ANGPTL5: variants seen among roughly 807,000 people sequenced by gnomAD.
The protein encoded by ANGPTL5 is angiopoietin like 5, also known as angiopoietin-related protein 5.
ANGPTL5 carries 34 observed loss-of-function variants against 39.4 expected under a neutral mutation model. The ratio of observed to expected loss-of-function variants is 0.86; its 90% CI spans 0.66 to 1.15. The LOEUF is 1.15. Among genes scored for constraint, ANGPTL5 ranks in the 50% most tolerant of loss-of-function variants. The pLI is 0.00. For missense variants in ANGPTL5, 467 were observed against 457.5 expected (o/e 1.02, Z -0.19); for synonymous variants, 146 against 152.1 (o/e 0.96, Z 0.29).
intron 1 of ANGPTL5, among the ~76,000 whole-genome samples, chr11:101,910,389 A>G (rs1479953480): frequency 6.8e-6 from 1 of 146,254 alleles, no homozygotes; most frequent in Non-Finnish European, 1.5e-5. Flanking sequence ...CAGCCTGAAC[A>G]ACAAGAGCAA....
At chr11:101,899,182 T>C (rs1436759659) in intron 7 of ANGPTL5, among the ~76,000 whole-genome samples, 3 of 152,238 alleles carry the variant, frequency 2.0e-5, no homozygotes, top group Admixed American at 2.0e-4. Flanking sequence ...GAGGAGTCCC[T>C]CTTTTTCCTA....
chr11:101,907,033 A>C, intron 3 of ANGPTL5, 70 bp downstream of exon 3: 1 of 1,204,202 alleles, frequency 8.3e-7, no homozygotes, highest in Non-Finnish European at 1.2e-6. Flanking sequence ...GCTAAAGTAT[A>C]CTTTTCAGTG....
chr11:101,896,288 G>T (rs910147770), intron 7 of ANGPTL5, among the ~76,000 whole-genome samples: 1 of 151,002 alleles, frequency 6.6e-6, no homozygotes, highest in South Asian at 2.1e-4. Flanking sequence ...CAGTTCAAGC[G>T]ATTCTCATGC....
At chr11:101,899,866 T>C (rs1939862563) in intron 7 of ANGPTL5, among the ~76,000 whole-genome samples, 1 of 152,344 alleles carries the variant, frequency 6.6e-6, no homozygotes, top group South Asian at 2.1e-4. Context: ...TTCAGAAATA[T>C]TGGTGTTTCT....
chr11:101,909,659 T>C (rs1940056960), intron 1 of ANGPTL5, among the ~76,000 whole-genome samples: 2 of 152,118 alleles, frequency 1.3e-5, no homozygotes, highest in Non-Finnish European at 2.9e-5. Flanking sequence ...AGGAAATTCT[T>C]ATTTGAGCAA....
Position 101,891,599 on chromosome 11 carries a change from C to CT in ANGPTL5, c.848-2dup, listed in dbSNP as rs1279431554. The CT allele has an allele frequency of 6.2e-7, 1 of 1,613,562 alleles. No individual in the cohort carries two copies. Among genetic ancestry groups the CT allele is most frequent in the Middle Eastern group, 1.7e-4 (1 of 6,060 alleles). On this transcript the variant is annotated splice_acceptor_variant, in intron 8 of 8. Coordinates refer to ENST00000334289, the MANE Select transcript of ANGPTL5 (RefSeq NM_178127.5). LOFTEE classifies it high-confidence loss of function. ...TTTTTGAGACCCCGGAATGCATCAC[C>CT]TGGGAAAAAAATTTTTAATGATCGA... is the stretch of plus-strand genomic sequence containing the variant.
rs1311336808 is a variant in ANGPTL5 at position 101,891,591 on chromosome 11, T to A, written c.855A>T (p.Ala285=). 1 of 1,613,770 alleles carries A rather than the reference T, an allele frequency of 6.2e-7. No homozygotes were observed. Among genetic ancestry groups the A allele is most frequent in the African/African-American group, 1.3e-5 (1 of 74,912 alleles). The change falls in exon 9 of 9, where the codon GCA becomes GCT. Residue 285 remains alanine, a synonymous_variant. Coordinates refer to ENST00000334289, the MANE Select transcript of ANGPTL5 (RefSeq NM_178127.5). ...TATCTTCTTTTTTGAGACCCCGGAA[T>A]GCATCACCTGGGAAAAAAATTTTTA... The part of the protein sequence containing the change: ...LGRYSGNAGD[A]FRGLKKEDNQ...
At chr11:101,904,935 A>C (rs1939972476) in intron 4 of ANGPTL5, 28 bp from the exon 5 acceptor site, 2 of 1,537,056 alleles carry the variant, frequency 1.3e-6, no homozygotes, top group South Asian at 1.1e-5. Context: ...CATTTAAGTA[A>C]ATTTATATTT....
rs919159037 is a variant in ANGPTL5 at position 101,907,967 on chromosome 11, G to T, written c.-58C>A. 2 of 1,256,084 alleles carry T rather than the reference G, an allele frequency of 1.6e-6. No homozygotes were observed. The highest frequency in any genetic ancestry group is 1.8e-5 in the Admixed American group (1 of 56,364). 77.8% of individuals were successfully genotyped at this position (1,256,084 alleles called of 1,614,324 possible). Reference sequence around the variant, plus strand: ...AATATCAGTCAGCTCTTTGTGGAAAGAACTACAGAGCATAGAGTCTTCAGT... The same window carrying T: ...AATATCAGTCAGCTCTTTGTGGAAATAACTACAGAGCATAGAGTCTTCAGT... On this transcript the variant is annotated 5_prime_UTR_variant, in exon 2 of 9. Transcript: ENST00000334289.
chr11:101,891,718 C>T (rs949182041), intron 8 of ANGPTL5, 120 bp from the exon 9 acceptor site: 9 of 1,041,092 alleles, frequency 8.6e-6, no homozygotes, highest in African/African-American at 1.6e-5. Flanking sequence ...TATTTTCCTA[C>T]TGTTTATCAT....
In ANGPTL5 at chr11:101,902,617, A is replaced by G; in HGVS notation, c.540+4T>C. 1 of 1,585,720 alleles carries G rather than the reference A, an allele frequency of 6.3e-7. No individual in the cohort carries two copies. The highest frequency in any genetic ancestry group is 8.7e-7 in the Non-Finnish European group (1 of 1,155,258). ...TACGGGAAAACTTCAAATACGGGAA[A>G]TACCTCAAATGGGTAGCTAGATCCT... On this transcript the variant is annotated splice_donor_region_variant and intron_variant, in intron 6 of 8. Coordinates refer to ENST00000334289, the MANE Select transcript of ANGPTL5 (RefSeq NM_178127.5).
chr11:101,900,996 C>T (rs901239350), intron 6 of ANGPTL5, among the ~76,000 whole-genome samples: 1 of 148,530 alleles, frequency 6.7e-6, no homozygotes, highest in Non-Finnish European at 1.5e-5. Flanking sequence ...GGACTACAGG[C>T]GCCCGCTAGC....
intron 6 of ANGPTL5, among the ~76,000 whole-genome samples, chr11:101,900,860 C>CT (rs972234535): frequency 8.0e-5 from 12 of 149,852 alleles, no homozygotes; most frequent in Admixed American, 1.3e-4. Context: ...TTTTTCCCCC[C>CT]TTTTTTTTTG....
intron 8 of ANGPTL5, among the ~76,000 whole-genome samples, chr11:101,892,757 C>T (rs571643004): frequency 3.9e-4 from 59 of 152,154 alleles, no homozygotes; most frequent in Non-Finnish European, 7.8e-4. Flanking sequence ...AAGCCATATG[C>T]AATCTGTGGA....
rs1940209361 is a variant in ANGPTL5, at chr11:101,916,231, C to CT, written c.-306dup. 1 of 152,200 alleles carries CT rather than the reference C, an allele frequency of 6.6e-6. No individual in the cohort carries two copies. The highest frequency in any genetic ancestry group is 1.5e-5 in the Non-Finnish European group (1 of 68,034). The allele number at this position is 152,200 out of a possible 1,614,324, so 9.4% of individuals were successfully genotyped here. Reference sequence around the variant, plus strand: ...AGTGTCTTCTCTTTCCAAGTTAACTCTGTTTTCTTATCCCCTTTGTCTCCA... The same window carrying CT: ...AGTGTCTTCTCTTTCCAAGTTAACTCTTGTTTTCTTATCCCCTTTGTCTCCA... On this transcript the variant is annotated 5_prime_UTR_variant, in exon 1 of 9. Transcript: ENST00000334289.
chr11:101,895,178 G>A, intron 7 of ANGPTL5, 114 bp from the exon 8 acceptor site: 1 of 873,816 alleles, frequency 1.1e-6, no homozygotes, highest in East Asian at 2.7e-5. Context: ...GCTCAGATAA[G>A]TAATTAAAGG....
At chr11:101,897,504 C>A (rs923354148) in intron 7 of ANGPTL5, among the ~76,000 whole-genome samples, 12 of 152,212 alleles carry the variant, frequency 7.9e-5, no homozygotes, top group Non-Finnish European at 1.8e-4. Flanking sequence ...ACGTTTAAAT[C>A]TTTAATCTAT....
intron 1 of ANGPTL5, among the ~76,000 whole-genome samples, chr11:101,912,190 AAT>A (rs1940101855): frequency 6.6e-6 from 1 of 152,264 alleles, no homozygotes; most frequent in Admixed American, 6.5e-5. Flanking sequence ...GTAGGTGCTC[AAT>A]ATATATTTCC....
chr11:101,895,742 A>G (rs1037564020), intron 7 of ANGPTL5, among the ~76,000 whole-genome samples: 2 of 152,196 alleles, frequency 1.3e-5, no homozygotes, highest in Non-Finnish European at 2.9e-5. Context: ...TACTTCTTGC[A>G]TACATATTCT....
Sources: gnomAD v4.1 joint callset for allele counts (sites outside exome capture counted in the v4.1 genomes callset) on GRCh38, gnomAD v4.1.1 for gene constraint, MANE v1.5 for transcripts, NCBI Gene and HGNC (gene_info 2026-07-23, HGNC 2026-07-21) for gene names.